MLXIPL: variants seen among roughly 807,000 people sequenced by gnomAD.
MLXIPL encodes the protein carbohydrate-responsive element-binding protein.
In MLXIPL, 49 loss-of-function variants were observed where a neutral mutation model predicts 81.5. The ratio of observed to expected loss-of-function variants is 0.60; its 90% CI spans 0.48 to 0.76. The LOEUF (loss-of-function observed/expected upper bound fraction) is 0.76, where lower values mean the gene tolerates loss of function less well. MLXIPL is among the 30% of genes least tolerant of loss of function. The pLI, the probability that MLXIPL is intolerant of heterozygous loss-of-function variation, is 0.00. For missense variants in MLXIPL, 1,053 were observed against 1,167.0 expected (o/e 0.90, Z 1.42); for synonymous variants, 466 against 485.5 (o/e 0.96, Z 0.53).
intron 1 of MLXIPL, 61 bp from the exon 2 acceptor site, chr7:73,616,238 C>T (rs1375401298): frequency 5.1e-6 from 7 of 1,383,962 alleles, no homozygotes; most frequent in South Asian, 1.2e-5. Context: ...GGCTGGTCCC[C>T]ATATTCCCCA....
Position 73,597,345 on chromosome 7 carries a change from C to T in MLXIPL, c.1440G>A (p.Ser480=), listed in dbSNP as rs1226305961. ...FPIELLPLGY[S]EPAFGPCFSM... The stretch of plus-strand genomic sequence containing the variant: ...AGAAGCAAGGCCCAAAGGCAGGCTC[C>T]GAATACCCCAAGGGTAGAAGCTCTA... The change falls in exon 9 of 17, where the codon TCG becomes TCA. Residue 480 remains serine (S), a synonymous_variant. Coordinates refer to ENST00000313375, the MANE Select transcript of MLXIPL (RefSeq NM_032951.3). The T allele has an allele frequency of 3.4e-5, 51 of 1,504,010 alleles. No individual in the cohort carries two copies. The Admixed American group carries it at 5.0e-4, about 15-fold the overall frequency. The allele number at this position is 1,504,010 out of a possible 1,614,324, so 93.2% of individuals were successfully genotyped here. A position where few individuals can be genotyped will look rare whatever the true frequency, so the allele number is the denominator to read the frequency against.
the MLXIPL span, among the ~76,000 whole-genome samples, chr7:73,633,395 G>A: frequency 6.6e-6 from 1 of 151,196 alleles, no homozygotes; most frequent in South Asian, 2.1e-4. Flanking sequence ...CCCAGGCTGG[G>A]GTACAGTGGC....
chr7:73,617,158 G>C (rs782427564), intron 1 of MLXIPL, among the ~76,000 whole-genome samples: 18 of 152,126 alleles, frequency 1.2e-4, no homozygotes, highest in Non-Finnish European at 2.1e-4. Context: ...TGGGATTACA[G>C]TTGTGCGCCA....
chr7:73,619,334 G>T (rs1348307720), intron 1 of MLXIPL, among the ~76,000 whole-genome samples: 2 of 151,974 alleles, frequency 1.3e-5, no homozygotes, highest in Admixed American at 1.3e-4. Context: ...GGTGGCAGGC[G>T]TCTGTAGTCC....
intron 1 of MLXIPL, among the ~76,000 whole-genome samples, chr7:73,618,746 C>T (rs1796142669): frequency 6.6e-6 from 1 of 152,114 alleles, no homozygotes; most frequent in African/African-American, 2.4e-5. Context: ...GACTCTGCTA[C>T]CTCCTGGGCC....
At chr7:73,619,474 A>AG (rs1796197926) in intron 1 of MLXIPL, among the ~76,000 whole-genome samples, 1 of 151,330 alleles carries the variant, frequency 6.6e-6, no homozygotes, top group South Asian at 2.1e-4. Context: ...AAAAAAAAAA[A>AG]AAAAGTTAGC....
intron 7 of MLXIPL, 46 bp from the exon 8 acceptor site, chr7:73,599,741 T>G: frequency 6.4e-7 from 1 of 1,563,594 alleles, no homozygotes; most frequent in South Asian, 1.2e-5. Context: ...GCCAGGGCTA[T>G]GGCTGGGAAA....
At chr7:73,603,070 G>A (rs1377820723) in intron 7 of MLXIPL, among the ~76,000 whole-genome samples, 1 of 152,128 alleles carries the variant, frequency 6.6e-6, no homozygotes, top group Non-Finnish European at 1.5e-5. Context: ...GAGCTCCTCT[G>A]CCTCTGGCTG....
intron 1 of MLXIPL, among the ~76,000 whole-genome samples, chr7:73,617,525 T>G (rs1426847728): frequency 3.9e-5 from 6 of 152,018 alleles, no homozygotes; most frequent in Non-Finnish European, 7.4e-5. Context: ...CAGAGCACCC[T>G]CACTCTAACC....
In MLXIPL at chr7:73,607,383, A is replaced by T. The variant is rs1795374289; in HGVS notation, c.521T>A (p.Ile174Asn). 1.3e-6 allele frequency: 2 copies of T among 1,564,348 alleles called. No individual in the cohort carries two copies. The highest frequency in any genetic ancestry group is 1.4e-5 in the African/African-American group (1 of 73,764). Residue 174 changes from isoleucine to asparagine, a missense_variant, in exon 4 of 17, where the codon ATC becomes AAC. Physicochemically the swap from Ile to Asn is moderately radical, Grantham distance 149. Coordinates refer to ENST00000313375, the MANE Select transcript of MLXIPL (RefSeq NM_032951.3). ...GTGGTATTCCCGCATCACCACCTCG[A>T]TGCGCCGCTTCCAGTAGTTCCCCTC... ...VLEGNYWKRR[I>N]EVVMREYHKW...
At chr7:73,604,044 C>G (rs547063174) in intron 7 of MLXIPL, among the ~76,000 whole-genome samples, 1 of 150,310 alleles carries the variant, frequency 6.7e-6, no homozygotes, top group Non-Finnish European at 1.5e-5. Context: ...GGCAAAACCC[C>G]GTCTCTACTA....
intron 15 of MLXIPL, 30 bp downstream of exon 15, chr7:73,595,606 GC>G (rs781785651): frequency 1.9e-6 from 3 of 1,613,914 alleles, no homozygotes; most frequent in African/African-American, 1.3e-5. Flanking sequence ...AGCCCCTGCA[GC>G]CCCCCAGCCA....
At chr7:73,601,680 A>G (rs1253640634) in intron 7 of MLXIPL, among the ~76,000 whole-genome samples, 1 of 151,866 alleles carries the variant, frequency 6.6e-6, no homozygotes. Flanking sequence ...ACAGGCATGC[A>G]CCACCACACT....
intron 1 of MLXIPL, among the ~76,000 whole-genome samples, chr7:73,622,561 C>T (rs1796451717): frequency 6.6e-6 from 1 of 151,422 alleles, no homozygotes; most frequent in Non-Finnish European, 1.5e-5. Flanking sequence ...TGGTCTCCAA[C>T]TCCTGGGCTC....
the MLXIPL span, among the ~76,000 whole-genome samples, chr7:73,634,973 G>T: frequency 6.7e-6 from 1 of 148,174 alleles, no homozygotes; most frequent in Non-Finnish European, 1.5e-5. Context: ...GCACCACCAC[G>T]CCCAGCTATT....
At chr7:73,631,143 G>C in the MLXIPL span, among the ~76,000 whole-genome samples, 1 of 151,928 alleles carries the variant, frequency 6.6e-6, no homozygotes, top group Non-Finnish European at 1.5e-5. Flanking sequence ...CGAGTAGCTA[G>C]GACTACAGGT....
intron 7 of MLXIPL, among the ~76,000 whole-genome samples, chr7:73,600,986 T>G (rs1037598288): frequency 3.3e-5 from 5 of 151,274 alleles, no homozygotes; most frequent in Non-Finnish European, 5.9e-5. Context: ...CTGAGGCCTC[T>G]TAGTCTGGGC....
the MLXIPL span, among the ~76,000 whole-genome samples, chr7:73,640,846 G>A: frequency 1.3e-5 from 2 of 151,408 alleles, no homozygotes; most frequent in Admixed American, 1.3e-4. Context: ...CTCTTCTTGA[G>A]GACCCCAAAG....
At chr7:73,645,169 T>A in the MLXIPL span, among the ~76,000 whole-genome samples, 3 of 152,094 alleles carry the variant, frequency 2.0e-5, no homozygotes, top group African/African-American at 7.2e-5. Flanking sequence ...TATGACTATA[T>A]GCCTGTGCCA....
Sources: allele counts gnomAD v4.1 joint callset (sites outside exome capture counted in the v4.1 genomes callset), GRCh38; gene constraint gnomAD v4.1.1; transcripts MANE v1.5; gene names NCBI Gene and HGNC (gene_info 2026-07-23, HGNC 2026-07-21).